KLHL1: variants seen among roughly 807,000 people sequenced by gnomAD.
KLHL1 encodes the protein kelch-like protein 1.
Under a neutral mutation model 77.7 loss-of-function variants are expected in KLHL1, and 47 were observed. That is an observed-to-expected ratio of 0.60 (90% CI 0.48 to 0.77). The LOEUF (loss-of-function observed/expected upper bound fraction) is 0.77, where lower values mean the gene tolerates loss of function less well. Ranked by LOEUF, KLHL1 falls within the 30% of genes least tolerant of loss-of-function variation. The probability of loss-of-function intolerance (pLI) is 0.00; values close to 1 mark genes in which losing one functional copy is unlikely to be tolerated. For missense variants in KLHL1, 925 were observed against 910.8 expected (o/e 1.02, Z -0.20); for synonymous variants, 360 against 325.2 (o/e 1.11, Z -1.15).
chr13:70,060,409 G>A lies in KLHL1; in HGVS notation c.497+46794C>T, dbSNP rs149585529. 6.2e-3 allele frequency among the ~76,000 whole-genome samples: 943 copies of A among 152,166 alleles called. 11 individuals are homozygous for A. The highest frequency in any genetic ancestry group is 0.019 in the African/African-American group (788 of 41,498). On this transcript the variant is annotated intron_variant, in intron 1 of 10. Coordinates refer to ENST00000377844, the MANE Select transcript of KLHL1 (RefSeq NM_020866.3). Reference sequence around the variant, plus strand: ...TAGAATATGATCTAGCAATCCCACTGCCAGATATGTAACAAAAAGGAAGAA... The same window carrying A: ...TAGAATATGATCTAGCAATCCCACTACCAGATATGTAACAAAAAGGAAGAA...
chr13:69,805,848 A>G (rs1266439131), intron 6 of KLHL1, among the ~76,000 whole-genome samples: 2 of 151,588 alleles, frequency 1.3e-5, no homozygotes, highest in Non-Finnish European at 2.9e-5. Flanking sequence ...TATTTGTACA[A>G]GGAATTTATA....
intron 4 of KLHL1, among the ~76,000 whole-genome samples, chr13:69,914,385 T>A (rs890523800): frequency 6.6e-6 from 1 of 152,164 alleles, no homozygotes; most frequent in Non-Finnish European, 1.5e-5. Flanking sequence ...TGGATCCATT[T>A]GTCTCCATGG....
At chr13:69,874,622 A>C (rs893828870) in intron 5 of KLHL1, among the ~76,000 whole-genome samples, 3 of 152,158 alleles carry the variant, frequency 2.0e-5, no homozygotes, top group African/African-American at 7.2e-5. Context: ...TAGATGAATA[A>C]AAAATGGAAT....
In KLHL1 at chr13:70,107,650, A is replaced by T. The variant is rs776718823; in HGVS notation, c.50T>A (p.Leu17His). ...CGGGTGGCTGAAGAGTTTCCAGCGG[A>T]GTCGCAGAATGTGCTTCACATCGAA... Reference protein sequence around the residue: ...KDFDVKHILRLRWKLFSHPSP... With the variant: ...KDFDVKHILRHRWKLFSHPSP... The change falls in exon 1 of 11, where the codon CTC becomes CAC. Residue 17 changes from leucine (L) to histidine (H), a missense_variant. Transcript: ENST00000377844. 1 of 1,550,318 alleles carries T rather than the reference A, an allele frequency of 6.5e-7. No individual in the cohort carries two copies. Among genetic ancestry groups the T allele is most frequent in the Non-Finnish European group, 8.7e-7 (1 of 1,152,882 alleles).
chr13:69,751,624 TAC>T (rs1246265685), intron 7 of KLHL1, among the ~76,000 whole-genome samples: 2 of 152,136 alleles, frequency 1.3e-5, no homozygotes, highest in Non-Finnish European at 2.9e-5. Flanking sequence ...CAGAATGATG[TAC>T]AATAAGGCTA....
chr13:69,875,164 T>C (rs560579163), intron 5 of KLHL1, among the ~76,000 whole-genome samples: 13 of 152,086 alleles, frequency 8.5e-5, no homozygotes, highest in Non-Finnish European at 1.6e-4. Context: ...ATAGAGGAGT[T>C]TGGTGATTTT....
chr13:69,943,040 C>T (rs1883412089), intron 3 of KLHL1, among the ~76,000 whole-genome samples: 2 of 151,960 alleles, frequency 1.3e-5, no homozygotes, highest in Admixed American at 1.3e-4. Context: ...TGCAGAATTC[C>T]TCCTTTTGGA....
At chr13:69,799,921 C>A (rs147886948) in intron 6 of KLHL1, among the ~76,000 whole-genome samples, 1 of 152,136 alleles carries the variant, frequency 6.6e-6, no homozygotes, top group Admixed American at 6.5e-5. Context: ...CTCATAGGAG[C>A]GCAAACCCTA....
At chr13:69,776,133 G>A (rs1346027754) in intron 7 of KLHL1, among the ~76,000 whole-genome samples, 1 of 151,766 alleles carries the variant, frequency 6.6e-6, no homozygotes, top group Non-Finnish European at 1.5e-5. Context: ...TCCAGCCTGG[G>A]CGACAGAGTG....
At chr13:69,760,958 C>T (rs1187662683) in intron 7 of KLHL1, among the ~76,000 whole-genome samples, 1 of 152,076 alleles carries the variant, frequency 6.6e-6, no homozygotes, top group Non-Finnish European at 1.5e-5. Context: ...AGAAAGTTTA[C>T]CCACAACAGA....
intron 4 of KLHL1, among the ~76,000 whole-genome samples, chr13:69,893,226 ATTTT>A (rs1175438919): frequency 7.0e-6 from 1 of 142,448 alleles, no homozygotes; most frequent in Non-Finnish European, 1.5e-5. Context: ...AGCTACATAA[ATTTT>A]TTTTTTTTTT....
At chr13:69,824,163 T>G (rs1878453318) in intron 6 of KLHL1, among the ~76,000 whole-genome samples, 1 of 151,992 alleles carries the variant, frequency 6.6e-6, no homozygotes, top group Non-Finnish European at 1.5e-5. Flanking sequence ...CCACATTAAA[T>G]AAAAATACAT....
At chr13:69,956,306 C>G (rs1162763931) in intron 3 of KLHL1, among the ~76,000 whole-genome samples, 1 of 150,232 alleles carries the variant, frequency 6.7e-6, no homozygotes, top group Non-Finnish European at 1.5e-5. Flanking sequence ...GTTTTTCAGA[C>G]CCCATCATAA....
At chr13:69,981,993 T>A (rs933794810) in intron 1 of KLHL1, among the ~76,000 whole-genome samples, 2 of 152,112 alleles carry the variant, frequency 1.3e-5, no homozygotes, top group Non-Finnish European at 2.9e-5. Flanking sequence ...ATAAAAAGTT[T>A]TAAATGTTGG....
At chr13:69,855,140 G>A (rs941770404) in intron 5 of KLHL1, among the ~76,000 whole-genome samples, 2 of 151,976 alleles carry the variant, frequency 1.3e-5, no homozygotes, top group African/African-American at 4.8e-5. Context: ...TCTATATTGA[G>A]AACTGAGGAA....
intron 7 of KLHL1, among the ~76,000 whole-genome samples, chr13:69,775,888 C>T (rs1875803267): frequency 6.6e-6 from 1 of 151,886 alleles, no homozygotes; most frequent in Admixed American, 6.6e-5. Context: ...CATGGTGGCT[C>T]ATGTCTGTAA....
At chr13:70,101,956 A>G (rs966777628) in intron 1 of KLHL1, among the ~76,000 whole-genome samples, 5 of 152,012 alleles carry the variant, frequency 3.3e-5, no homozygotes, top group African/African-American at 9.7e-5. Flanking sequence ...GTAGCAAAAA[A>G]AAAAAAACAA....
At chr13:69,854,766 T>C (rs1249340207) in intron 5 of KLHL1, among the ~76,000 whole-genome samples, 2 of 152,006 alleles carry the variant, frequency 1.3e-5, no homozygotes, top group African/African-American at 2.4e-5. Flanking sequence ...TCTTACATAG[T>C]CTTTTGAATA....
chr13:69,995,645 G>A (rs906218030), intron 1 of KLHL1, among the ~76,000 whole-genome samples: 2 of 152,066 alleles, frequency 1.3e-5, no homozygotes, highest in African/African-American at 4.8e-5. Flanking sequence ...CATTCCAGGA[G>A]TTATTAAATG....
Sources: allele counts gnomAD v4.1 joint callset (sites outside exome capture counted in the v4.1 genomes callset), GRCh38; gene constraint gnomAD v4.1.1; transcripts MANE v1.5; gene names NCBI Gene and HGNC (gene_info 2026-07-23, HGNC 2026-07-21).